The following BCS1L variants were observed in gnomAD, a reference collection of about 807,000 sequenced individuals.
BCS1L encodes the protein mitochondrial chaperone BCS1.
Under a neutral mutation model 49.3 loss-of-function variants are expected in BCS1L, and 38 were observed. That is an observed-to-expected ratio of 0.77 (90% CI 0.59 to 1.01). The LOEUF is 1.01. BCS1L is among the 50% of genes least tolerant of loss of function. The pLI, the probability that BCS1L is intolerant of heterozygous loss-of-function variation, is 0.00. For missense variants in BCS1L, 394 were observed against 540.2 expected (o/e 0.73, Z 2.68); for synonymous variants, 193 against 210.1 (o/e 0.92, Z 0.70).
At position 218,662,599 on chromosome 2, in the gene BCS1L, T is replaced by G; in HGVS notation, c.809T>G (p.Leu270Arg). 5.6e-6 allele frequency: 9 copies of G among 1,614,200 alleles called. No individual in the cohort carries two copies. The highest frequency in any genetic ancestry group is 7.6e-6 in the Non-Finnish European group (9 of 1,180,034). The change falls in exon 6 of 8, where the codon CTG becomes CGG. Residue 270 changes from leucine to arginine, a missense_variant. Leu to Arg is a moderately radical substitution (Grantham distance 102). Coordinates refer to ENST00000359273, the MANE Select transcript of BCS1L (RefSeq NM_001079866.2). This position sits in a 1 kb window ranked among gnomAD's most constrained non-coding sequence, Gnocchi z 5.8. ...SLSDDRLNHL[L>R]SVAPQQSLVL... ...TCTGATGACCGACTCAACCACCTGC[T>G]GAGCGTGGCCCCGCAGCAGAGCCTG...
Position 218,662,549 on chromosome 2 carries a change from G to A in BCS1L, c.759G>A (p.Leu253=), listed in dbSNP as rs2106329174. ...GGGAACTGGAGCACAGCATCTGCCTGCTGAGCCTCACGGACTCCAGCCTCT... is the reference window on the plus strand; with the variant it reads ...GGGAACTGGAGCACAGCATCTGCCTACTGAGCCTCACGGACTCCAGCCTCT... ...LAGELEHSIC[L]LSLTDSSLSD... is the part of the protein sequence containing the mutation. The change falls in exon 6 of 8, where the codon CTG becomes CTA. Residue 253 remains leucine (L), a synonymous_variant. Transcript: ENST00000359273. The surrounding 1 kb of genome is among the most constrained non-coding windows in gnomAD (Gnocchi z 5.8). 1 of 1,614,136 alleles carries A rather than the reference G, an allele frequency of 6.2e-7. No homozygotes were observed. Among genetic ancestry groups the A allele is most frequent in the Non-Finnish European group, 8.5e-7 (1 of 1,180,056 alleles).
At position 218,661,787 on chromosome 2, in the gene BCS1L, AG is replaced by A; in HGVS notation, c.492del (p.Lys165ArgfsTer3). ...ARELALQQEE[G>X]KTVMYTAVGS... is the part of the protein sequence containing the mutation. ...GAGAGCTAGCCTTGCAGCAGGAGGA[AG>A]GGAAGACCGTGATGTACACAGCTGT... On this transcript the variant is annotated frameshift_variant, in exon 4 of 8. Transcript: ENST00000359273. LOFTEE classifies it high-confidence loss of function. The surrounding 1 kb of genome is among the most constrained non-coding windows in gnomAD (Gnocchi z 5.9). 6.2e-7 allele frequency: 1 copy of A among 1,610,278 alleles called. No individual in the cohort carries two copies. The highest frequency in any genetic ancestry group is 2.2e-5 in the East Asian group (1 of 44,776).
chr2:218,662,440 A>G lies in BCS1L; in HGVS notation c.720-70A>G. The G allele has an allele frequency of 6.3e-6, 10 of 1,594,094 alleles. No individual in the cohort carries two copies. In the South Asian group the frequency reaches 1.1e-4, roughly 18 times the overall value. ...CTGAGACACATGTCCCCAGGCGGTG[A>G]GGAGAGTAGCTGGGCCTGAGGAAGC... On this transcript the variant is annotated intron_variant, in intron 5 of 7. Transcript: ENST00000359273. This position sits in a 1 kb window ranked among gnomAD's most constrained non-coding sequence, Gnocchi z 5.8.
At position 218,662,164 on chromosome 2, in the gene BCS1L, CAA is replaced by C; in HGVS notation, c.656-30_656-29del. ...TGGGAATGAACGTAGATATCCGGGG[CAA>C]AAGACATGATCATCCTGGCTCTATC... On this transcript the variant is annotated intron_variant, in intron 4 of 7. Transcript: ENST00000359273. This position sits in a 1 kb window ranked among gnomAD's most constrained non-coding sequence, Gnocchi z 5.8. 6.2e-7 allele frequency: 1 copy of C among 1,606,614 alleles called. No homozygotes were observed. Among genetic ancestry groups the C allele is most frequent in the Non-Finnish European group, 8.5e-7 (1 of 1,173,236 alleles).
Position 218,662,165 on chromosome 2 carries a change from A to C in BCS1L, c.656-32A>C. On this transcript the variant is annotated intron_variant, in intron 4 of 7. Coordinates refer to ENST00000359273, the MANE Select transcript of BCS1L (RefSeq NM_001079866.2). This position sits in a 1 kb window ranked among gnomAD's most constrained non-coding sequence, Gnocchi z 5.8. The stretch of plus-strand genomic sequence containing the variant: ...GGGAATGAACGTAGATATCCGGGGC[A>C]AAAGACATGATCATCCTGGCTCTAT... 6.2e-7 allele frequency: 1 copy of C among 1,608,328 alleles called. No homozygotes were observed. Among genetic ancestry groups the C allele is most frequent in the Non-Finnish European group, 8.5e-7 (1 of 1,174,764 alleles).
At position 218,662,372 on chromosome 2, in the gene BCS1L, T is replaced by C; in HGVS notation, c.719+112T>C. 1 of 1,486,108 alleles carries C rather than the reference T, an allele frequency of 6.7e-7. No homozygotes were observed. The highest frequency in any genetic ancestry group is 9.4e-7 in the Non-Finnish European group (1 of 1,066,426). 92.1% of individuals were successfully genotyped at this position (1,486,108 alleles called of 1,614,324 possible). A position where few individuals can be genotyped will look rare whatever the true frequency, so the allele number is the denominator to read the frequency against. On this transcript the variant is annotated intron_variant, in intron 5 of 7. Transcript: ENST00000359273. This position sits in a 1 kb window ranked among gnomAD's most constrained non-coding sequence, Gnocchi z 5.8. ...TGGGGATCGGGGACCAGGATAAACA[T>C]GAAACGTGTGGAACATCAGGGTGTG...
chr2:218,661,766 G>C lies in BCS1L; in HGVS notation c.468G>C (p.Glu156Asp). 6.2e-7 allele frequency: 1 copy of C among 1,609,526 alleles called. No individual in the cohort carries two copies. Among genetic ancestry groups the C allele is most frequent in the African/African-American group, 1.3e-5 (1 of 74,930 alleles). Residue 156 changes from glutamate (E) to aspartate (D), a missense_variant, in exon 4 of 8, where the codon GAG (glutamate) becomes GAC (aspartate). Transcript: ENST00000359273. This position sits in a 1 kb window ranked among gnomAD's most constrained non-coding sequence, Gnocchi z 5.9. ...TCATCTTCTCCTTCCCAGCTCGAGA[G>C]CTAGCCTTGCAGCAGGAGGAAGGGA... is the stretch of plus-strand genomic sequence containing the variant. ...VFFNILEEAR[E>D]LALQQEEGKT...
rs1241223933 is a variant in BCS1L at position 218,661,749 on chromosome 2, T to A, written c.461-10T>A. ...GAATTATTGGCTTTATCTCATCTTC[T>A]CCTTCCCAGCTCGAGAGCTAGCCTT... On this transcript the variant is annotated splice_polypyrimidine_tract_variant and intron_variant, in intron 3 of 7. Transcript: ENST00000359273. This position sits in a 1 kb window ranked among gnomAD's most constrained non-coding sequence, Gnocchi z 5.9. 1 of 1,608,192 alleles carries A rather than the reference T, an allele frequency of 6.2e-7. No individual in the cohort carries two copies. The highest frequency in any genetic ancestry group is 8.5e-7 in the Non-Finnish European group (1 of 1,175,626).
In BCS1L at chr2:218,661,167, T is replaced by C. The variant is rs928774770; in HGVS notation, c.180T>C (p.Tyr60=). Residue 60 remains tyrosine (Y), a synonymous_variant, in exon 2 of 8, where the codon TAT becomes TAC. Transcript: ENST00000359273. This position sits in a 1 kb window ranked among gnomAD's most constrained non-coding sequence, Gnocchi z 5.9. ...TLEVPARDRS[Y]AWLLSWLTRH... is the part of the protein sequence containing the mutation. ...AAGTCCCTGCTCGAGACAGGAGCTA[T>C]GCCTGGTTGCTTAGCTGGCTCACCC... 18 of 1,614,096 alleles carry C rather than the reference T, an allele frequency of 1.1e-5. No individual in the cohort carries two copies. In the Admixed American group the frequency reaches 1.8e-4, roughly 16 times the overall value.
At chr2:218,658,885 G>A (rs1938937754), upstream of BCS1L, 1 of 152,326 alleles carries the variant, frequency 6.6e-6, no homozygotes, top group Non-Finnish European at 1.5e-5. Context: ...GGCTGAGGAA[G>A]AGAAAGGACA....
Position 218,661,959 on chromosome 2 carries a change from A to G in BCS1L, c.655+6A>G. 6.2e-7 allele frequency: 1 copy of G among 1,613,870 alleles called. No homozygotes were observed. On this transcript the variant is annotated splice_donor_region_variant and intron_variant, in intron 4 of 7. Coordinates refer to ENST00000359273, the MANE Select transcript of BCS1L (RefSeq NM_001079866.2). This position sits in a 1 kb window ranked among gnomAD's most constrained non-coding sequence, Gnocchi z 5.9. ...CAAGTGGTACACTGACAGAGGTGAG[A>G]AGCAGCTGGGGTCTTGGCTGTGCTG...
chr2:218,660,408 CCGTGAAGCA>C, intron 1 of BCS1L: 3 of 153,744 alleles, frequency 2.0e-5, no homozygotes, highest in Admixed American at 6.4e-5. Context: ...TGTAGATGTT[CCGTGAAGCA>C]GGAGGTGAAG....
chr2:218,659,734 A>T lies in BCS1L; in HGVS notation c.-59A>T, dbSNP rs993444287. ...AAACCATCGAGACGGAGGGCCAGAG[A>T]GTCACGGCGGTGAGAGGGCTGAGTG... On this transcript the variant is annotated 5_prime_UTR_variant, in exon 1 of 8. Transcript: ENST00000359273. This position sits in a 1 kb window ranked among gnomAD's most constrained non-coding sequence, Gnocchi z 4.4. 1 of 151,948 alleles carries T rather than the reference A, an allele frequency of 6.6e-6. No homozygotes were observed. Among genetic ancestry groups the T allele is most frequent in the Non-Finnish European group, 1.5e-5 (1 of 68,094 alleles). The allele number at this position is 151,948 out of a possible 1,614,324, so 9.4% of individuals were successfully genotyped here. A position where few individuals can be genotyped will look rare whatever the true frequency, so the allele number is the denominator to read the frequency against.
chr2:218,661,613 CAGTTT>C lies in BCS1L; in HGVS notation c.460+69_460+73del, dbSNP rs1288285942. ...ATGGGGACATTTGACATCAGATGAG[CAGTTT>C]GGAGAAGTGGAATAAGCAGGCCGGG... is the stretch of plus-strand genomic sequence containing the variant. On this transcript the variant is annotated intron_variant, in intron 3 of 7. Coordinates refer to ENST00000359273, the MANE Select transcript of BCS1L (RefSeq NM_001079866.2). The surrounding 1 kb of genome is among the most constrained non-coding windows in gnomAD (Gnocchi z 5.9). 6.2e-7 allele frequency: 1 copy of C among 1,602,174 alleles called. No homozygotes were observed. Among genetic ancestry groups the C allele is most frequent in the Admixed American group, 1.7e-5 (1 of 57,446 alleles).
chr2:218,659,587 G>A (rs953894576), upstream of BCS1L: 1 of 152,278 alleles, frequency 6.6e-6, no homozygotes, highest in South Asian at 2.1e-4. This position sits in a 1 kb window ranked among gnomAD's most constrained non-coding sequence, Gnocchi z 4.4. Context: ...CCTGAAGCCG[G>A]AGAAGCACCA....
At chr2:218,660,639 T>G (rs1254230471) in intron 1 of BCS1L, 3 of 278,658 alleles carry the variant, frequency 1.1e-5, no homozygotes, top group Non-Finnish European at 2.1e-5. Flanking sequence ...TCATAGCTGG[T>G]CCCAGGGACC....
At chr2:218,663,081 G>C in intron 7 of BCS1L, 53 bp from the exon 8 acceptor site, 1 of 1,614,152 alleles carries the variant, frequency 6.2e-7, no homozygotes, top group Middle Eastern at 1.6e-4. Context: ...AGGAGGTCGA[G>C]GGGCCATCTC....
In BCS1L at chr2:218,662,433, G is replaced by C; in HGVS notation, c.720-77G>C. The C allele has an allele frequency of 6.3e-7, 1 of 1,588,418 alleles. No individual in the cohort carries two copies. The highest frequency in any genetic ancestry group is 1.7e-5 in the Admixed American group (1 of 59,940). On this transcript the variant is annotated intron_variant, in intron 5 of 7. Coordinates refer to ENST00000359273, the MANE Select transcript of BCS1L (RefSeq NM_001079866.2). This position sits in a 1 kb window ranked among gnomAD's most constrained non-coding sequence, Gnocchi z 5.8. The stretch of plus-strand genomic sequence containing the variant: ...CAGGCCTCTGAGACACATGTCCCCA[G>C]GCGGTGAGGAGAGTAGCTGGGCCTG...
Position 218,660,148 on chromosome 2 carries a change from A to G in BCS1L, c.-50+405A>G, listed in dbSNP as rs898301590. ...GGGCATTCCGAGCCAAGAGCACTGC[A>G]TGAGCAAGGAGTTGGGAGGTTGCTT... is the stretch of plus-strand genomic sequence containing the variant. On this transcript the variant is annotated intron_variant, in intron 1 of 7. Transcript: ENST00000359273. 2.0e-5 allele frequency: 3 copies of G among 152,284 alleles called. No homozygotes were observed. Among genetic ancestry groups the G allele is most frequent in the Admixed American group, 1.3e-4 (2 of 15,284 alleles). The allele number at this position is 152,284 out of a possible 1,614,324, so 9.4% of individuals were successfully genotyped here.
Sources: allele counts gnomAD v4.1 joint callset, GRCh38; gene constraint gnomAD v4.1.1; non-coding constraint Gnocchi (gnomAD v3.1); transcripts MANE v1.5; gene names NCBI Gene and HGNC (gene_info 2026-07-23, HGNC 2026-07-21).